Variants in NRG3 observed in about 807,000 individuals in gnomAD.
NRG3 encodes the protein neuregulin 3.
Under a neutral mutation model 66.9 loss-of-function variants are expected in NRG3, and 31 were observed. The observed-to-expected ratio is 0.46, with a 90% CI of 0.35 to 0.63. The LOEUF (loss-of-function observed/expected upper bound fraction) is 0.63. Among genes scored for constraint, NRG3 ranks in the 20% least tolerant of loss-of-function variants. The pLI is 0.00. For missense variants in NRG3, 910 were observed against 878.9 expected, an observed-to-expected ratio of 1.04 and a Z score of -0.45; for synonymous variants, 393 against 359.4, an observed-to-expected ratio of 1.09 and a Z score of -1.06.
At chr10:81,973,253 A>G (rs962039452) in intron 1 of NRG3, among the ~76,000 whole-genome samples, 3 of 152,150 alleles carry the variant, frequency 2.0e-5, no homozygotes, top group Non-Finnish European at 4.4e-5. Flanking sequence ...GTTTTCTAAT[A>G]GTTGTATAAC....
At chr10:82,015,944 A>G (rs542295073) in intron 1 of NRG3, among the ~76,000 whole-genome samples, 2 of 151,480 alleles carry the variant, frequency 1.3e-5, no homozygotes, top group South Asian at 2.1e-4. Context: ...ATCTATTAAC[A>G]TTATCATCAT....
At chr10:82,786,339 C>T (rs1392228279) in intron 3 of NRG3, among the ~76,000 whole-genome samples, 2 of 152,122 alleles carry the variant, frequency 1.3e-5, no homozygotes, top group Non-Finnish European at 2.9e-5. Context: ...AGATGTGAGA[C>T]AAGAGCTCAA....
chr10:82,568,841 C>T (rs1007893623), intron 2 of NRG3, among the ~76,000 whole-genome samples: 1 of 151,708 alleles, frequency 6.6e-6, no homozygotes, highest in Non-Finnish European at 1.5e-5. Context: ...TATACTGCTT[C>T]ACTTCATTTT....
chr10:82,171,403 A>G (rs1425850763), intron 1 of NRG3, among the ~76,000 whole-genome samples: 2 of 152,054 alleles, frequency 1.3e-5, no homozygotes, highest in Admixed American at 6.6e-5. Flanking sequence ...GCCAGCACCA[A>G]AGAAAATCTG....
chr10:82,721,373 C>T (rs1480221068), intron 2 of NRG3, among the ~76,000 whole-genome samples: 1 of 151,656 alleles, frequency 6.6e-6, no homozygotes, highest in South Asian at 2.1e-4. Context: ...CTTCTGACCT[C>T]GTGATCCGCC....
chr10:81,889,133 C>T lies in NRG3; in HGVS notation c.823+12970C>T, dbSNP rs549765813. 8 of 152,240 alleles carry T rather than the reference C, an allele frequency of 5.3e-5. No homozygotes were observed. The East Asian group carries it at 1.5e-3, about 29-fold the overall frequency. The allele number at this position is 152,240 out of a possible 1,614,324, so 9.4% of individuals were successfully genotyped here. On this transcript the variant is annotated intron_variant, in intron 1 of 8. Transcript: ENST00000372141. Reference sequence around the variant, plus strand: ...GCAAGTAGAGATACAAGAAGAATAACAAGAAGGAACTCTTGATTTCACTGC... The same window carrying T: ...GCAAGTAGAGATACAAGAAGAATAATAAGAAGGAACTCTTGATTTCACTGC...
intron 1 of NRG3, among the ~76,000 whole-genome samples, chr10:82,079,145 A>G (rs1293543490): frequency 1.3e-5 from 2 of 151,738 alleles, no homozygotes; most frequent in East Asian, 3.9e-4. Flanking sequence ...CCCGGGTTCA[A>G]GTGATTCTTC....
chr10:82,535,710 C>G (rs1370834747), intron 2 of NRG3, among the ~76,000 whole-genome samples: 1 of 152,080 alleles, frequency 6.6e-6, no homozygotes, highest in Non-Finnish European at 1.5e-5. Context: ...GGGATGATTG[C>G]CCATATAAAA....
chr10:82,541,623 G>A lies in NRG3; in HGVS notation c.953+182755G>A, dbSNP rs146994448. Reference sequence around the variant, plus strand: ...AATCTATAGATAACATAACCAGTTAGGTCAGGGGTCCATCTTTAACTACCA... The same window carrying A: ...AATCTATAGATAACATAACCAGTTAAGTCAGGGGTCCATCTTTAACTACCA... On this transcript the variant is annotated intron_variant, in intron 2 of 8. Coordinates refer to ENST00000372141, the MANE Select transcript of NRG3 (RefSeq NM_001010848.4). Among the ~76,000 whole-genome samples the A allele has an allele frequency of 2.3e-3, 345 of 152,290 alleles. 1 individual carries two copies. The highest frequency in any genetic ancestry group is 7.7e-3 in the African/African-American group (319 of 41,564).
chr10:82,211,985 C>T (rs1050730586), intron 1 of NRG3, among the ~76,000 whole-genome samples: 1 of 152,112 alleles, frequency 6.6e-6, no homozygotes, highest in Admixed American at 6.5e-5. Context: ...GCTGTGCTCT[C>T]AGTATGGAGT....
At chr10:82,615,964 T>C (rs1047847661) in intron 2 of NRG3, among the ~76,000 whole-genome samples, 1 of 152,174 alleles carries the variant, frequency 6.6e-6, no homozygotes, top group African/African-American at 2.4e-5. Flanking sequence ...TAGATATTAT[T>C]TTTGAGCACT....
intron 1 of NRG3, chr10:81,878,043 C>T (rs1841840810): frequency 2.0e-6 from 3 of 1,537,336 alleles, no homozygotes; most frequent in East Asian, 4.9e-5. Context: ...CATGTTCTTT[C>T]TCAATTGATT....
intron 2 of NRG3, among the ~76,000 whole-genome samples, chr10:82,366,675 T>A (rs549691400): frequency 1.3e-4 from 20 of 152,330 alleles, no homozygotes; most frequent in African/African-American, 4.6e-4. Flanking sequence ...TTGACTTTTT[T>A]ATTTTTTTAT....
intron 2 of NRG3, among the ~76,000 whole-genome samples, chr10:82,689,403 G>GTTAA (rs1347996812): frequency 4.6e-5 from 7 of 152,056 alleles, no homozygotes; most frequent in African/African-American, 1.4e-4. Context: ...TCCTCTGTCA[G>GTTAA]TTAGTGCACG....
intron 1 of NRG3, among the ~76,000 whole-genome samples, chr10:82,003,988 A>ACAC (rs2061275719): frequency 1.5e-5 from 2 of 134,338 alleles, no homozygotes; most frequent in African/African-American, 5.7e-5. Flanking sequence ...CCTGACTGAA[A>ACAC]ACACACACAC....
chr10:82,735,425 A>G (rs1410111019), intron 2 of NRG3, among the ~76,000 whole-genome samples: 1 of 152,196 alleles, frequency 6.6e-6, no homozygotes, highest in African/African-American at 2.4e-5. Flanking sequence ...GTAGAAAGAT[A>G]ATAGAATATC....
In NRG3 at chr10:82,188,713, CATTGA is replaced by C. The variant is rs1382426990; in HGVS notation, c.824-170025_824-170021del. ...ACCTATATGAAAAGGTGCTCAACAT[CATTGA>C]TCATCAAAGAAGTGCACATTAAAAC... On this transcript the variant is annotated intron_variant, in intron 1 of 8. Coordinates refer to ENST00000372141, the MANE Select transcript of NRG3 (RefSeq NM_001010848.4). Among the ~76,000 whole-genome samples the C allele has an allele frequency of 2.0e-5, 3 of 152,184 alleles. No individual in the cohort carries two copies. In the East Asian group the frequency reaches 5.8e-4, roughly 29 times the overall value.
At chr10:82,302,277 TC>T (rs2134793150) in intron 1 of NRG3, among the ~76,000 whole-genome samples, 1 of 152,226 alleles carries the variant, frequency 6.6e-6, no homozygotes, top group South Asian at 2.1e-4. Flanking sequence ...AAAATCTATA[TC>T]ATACCCACAG....
At chr10:81,923,325 C>T (rs1480879075) in intron 1 of NRG3, among the ~76,000 whole-genome samples, 1 of 151,922 alleles carries the variant, frequency 6.6e-6, no homozygotes, top group African/African-American at 2.4e-5. Flanking sequence ...CCTGCCTCAG[C>T]CTCCCGAGTA....
Sources: allele counts gnomAD v4.1 joint callset (sites outside exome capture counted in the v4.1 genomes callset), GRCh38; gene constraint gnomAD v4.1.1; transcripts MANE v1.5; gene names NCBI Gene and HGNC (gene_info 2026-07-23, HGNC 2026-07-21).